Variants in YJU2B observed in about 807,000 individuals in gnomAD.
YJU2B encodes YJU2 splicing factor homolog B.
Under a neutral mutation model 38.0 loss-of-function variants are expected in YJU2B, and 18 were observed. That is an observed-to-expected ratio of 0.47 (90% CI 0.33 to 0.70). YJU2B has a LOEUF of 0.70. YJU2B is among the 30% of genes least tolerant of loss of function. The probability of loss-of-function intolerance (pLI) is 0.02; values close to 1 mark genes in which losing one functional copy is unlikely to be tolerated. For missense variants in YJU2B, 538 were observed against 556.3 expected (o/e 0.97, Z 0.33); for synonymous variants, 246 against 225.4 (o/e 1.09, Z -0.82).
rs1429838382 is a variant in YJU2B at position 13,762,635 on chromosome 19, G to C, written c.758G>C (p.Arg253Pro). The C allele has an allele frequency of 6.5e-7, 1 of 1,538,772 alleles. No homozygotes were observed. The highest frequency in any genetic ancestry group is 8.7e-7 in the Non-Finnish European group (1 of 1,151,014). Residue 253 changes from arginine (R) to proline (P), a missense_variant, in exon 10 of 10, where the codon CGC becomes CCC. Coordinates refer to ENST00000221554, the MANE Select transcript of YJU2B (RefSeq NM_030818.4). ...CTCAAGCGGACCGAGATCATCAGCC[G>C]CTCCTGGTTCCCCTCTGCCCCCGGA... ...QKLKRTEIIS[R>P]SWFPSAPGSA...
In YJU2B at chr19:13,763,005, G is replaced by A. The variant is rs925893143; in HGVS notation, c.1128G>A (p.Thr376=). Residue 376 remains threonine (T), a synonymous_variant, in exon 10 of 10, where the codon ACG becomes ACA. Coordinates refer to ENST00000221554, the MANE Select transcript of YJU2B (RefSeq NM_030818.4). ...AGGAGGCAGCTGACACCCCCGACAC[G>A]CGGCACCCCTGCAGTCTCGGCTCCT... ...SSQEAADTPD[T]RHPCSLGSSL... 5.6e-6 allele frequency: 9 copies of A among 1,603,772 alleles called. No individual in the cohort carries two copies. The highest frequency in any genetic ancestry group is 7.7e-6 in the Non-Finnish European group (9 of 1,174,928).
chr19:13,749,472 A>G (rs1391151063), intron 1 of YJU2B, among the ~76,000 whole-genome samples: 2 of 152,214 alleles, frequency 1.3e-5, no homozygotes, highest in Non-Finnish European at 2.9e-5. Flanking sequence ...ATTTCTAGCT[A>G]TGAAAGCAGA....
chr19:13,762,977 C>G lies in YJU2B; in HGVS notation c.1100C>G (p.Ser367Cys). 6.2e-7 allele frequency: 1 copy of G among 1,610,798 alleles called. No homozygotes were observed. Among genetic ancestry groups the G allele is most frequent in the Non-Finnish European group, 8.5e-7 (1 of 1,178,888 alleles). ...QDKPLSPAGSSQEAADTPDTR... is the reference protein window; with the variant it reads ...QDKPLSPAGSCQEAADTPDTR... ...AAGCCCCTGTCGCCAGCAGGCTCCT[C>G]CCAGGAGGCAGCTGACACCCCCGAC... The change falls in exon 10 of 10, where the codon TCC (serine) becomes TGC (cysteine). Residue 367 changes from serine (S) to cysteine (C), a missense_variant. Transcript: ENST00000221554.
chr19:13,752,619 C>T (rs1258670022), intron 2 of YJU2B, among the ~76,000 whole-genome samples: 1 of 152,134 alleles, frequency 6.6e-6, no homozygotes, highest in African/African-American at 2.4e-5. Context: ...TGGCGGGAGC[C>T]TGTAGTCCCA....
At chr19:13,742,437 G>A (rs1290451548) in intron 2 of YJU2B, among the ~76,000 whole-genome samples, 1 of 152,032 alleles carries the variant, frequency 6.6e-6, no homozygotes, top group Non-Finnish European at 1.5e-5. Flanking sequence ...CAAGTAGCTG[G>A]CATTACAAGT....
chr19:13,758,123 C>T (rs1214052629), intron 6 of YJU2B, among the ~76,000 whole-genome samples: 1 of 152,208 alleles, frequency 6.6e-6, no homozygotes, highest in Non-Finnish European at 1.5e-5. Flanking sequence ...CCCTGGCCTC[C>T]TCGTTGTCCC....
chr19:13,759,288 G>T lies in YJU2B; in HGVS notation c.573+16G>T, dbSNP rs762200402. The T allele has an allele frequency of 3.1e-6, 5 of 1,589,780 alleles. No homozygotes were observed. The African/African-American group carries it at 5.4e-5, about 17-fold the overall frequency. On this transcript the variant is annotated intron_variant, in intron 8 of 9. Coordinates refer to ENST00000221554, the MANE Select transcript of YJU2B (RefSeq NM_030818.4). ...AAGGTTCCGGGTGAGGGGGGCTCCA[G>T]CCCGGGGTCAGAGAGGATGCATGGT...
At chr19:13,743,028 T>C (rs923635339), upstream of YJU2B, among the ~76,000 whole-genome samples, 6 of 152,290 alleles carry the variant, frequency 3.9e-5, no homozygotes, top group Middle Eastern at 6.8e-3. Context: ...TAAAACCAGA[T>C]ACCCACACTA....
chr19:13,752,817 G>T (rs1250399012), intron 2 of YJU2B, among the ~76,000 whole-genome samples: 1 of 152,048 alleles, frequency 6.6e-6, no homozygotes, highest in Non-Finnish European at 1.5e-5. Context: ...GGAGGCTAAG[G>T]CACGAGGATT....
At chr19:13,759,596 G>T in intron 8 of YJU2B, 1 of 217,680 alleles carries the variant, frequency 4.6e-6, no homozygotes. Context: ...CCCTCCCCCA[G>T]CATCTCTAAA....
chr19:13,745,755 AT>A (rs1477980617), upstream of YJU2B, among the ~76,000 whole-genome samples: 9 of 147,400 alleles, frequency 6.1e-5, 1 homozygote, highest in African/African-American at 2.3e-4. Flanking sequence ...ATATATATAT[AT>A]ATCAGGAGGA....
In YJU2B at chr19:13,754,348, C is replaced by T. The variant is rs200133003; in HGVS notation, c.57+6C>T. ...CAGACTTCAACCCTGAGAAGGTAAGCAGGCTCTCCGCTCCAGGTCCACAGT... is the reference window on the plus strand; with the variant it reads ...CAGACTTCAACCCTGAGAAGGTAAGTAGGCTCTCCGCTCCAGGTCCACAGT... On this transcript the variant is annotated splice_donor_region_variant and intron_variant, in intron 3 of 9. Coordinates refer to ENST00000221554, the MANE Select transcript of YJU2B (RefSeq NM_030818.4). 12 of 1,611,680 alleles carry T rather than the reference C, an allele frequency of 7.4e-6. No homozygotes were observed. In the South Asian group the frequency reaches 1.1e-4, roughly 15 times the overall value.
In YJU2B at chr19:13,763,049, C is replaced by A. The variant is rs780937753; in HGVS notation, c.1172C>A (p.Ser391Tyr). Residue 391 changes from serine (S) to tyrosine (Y), a missense_variant, in exon 10 of 10, where the codon TCC becomes TAC. This residue lies in a region of YJU2B where 488 missense variants were observed against 469.5 expected (regional missense o/e 1.04). Transcript: ENST00000221554. Reference sequence around the variant, plus strand: ...GGCTCCTCCCTCGTGGCGGACTACTCCGACTCGGAGAGTGAGTGAGCGATC... The same window carrying A: ...GGCTCCTCCCTCGTGGCGGACTACTACGACTCGGAGAGTGAGTGAGCGATC... ...SLGSSLVADY[S>Y]DSESE 292 of 1,563,064 alleles carry A rather than the reference C, an allele frequency of 1.9e-4. No individual in the cohort carries two copies. The highest frequency in any genetic ancestry group is 2.3e-4 in the Non-Finnish European group (260 of 1,153,754).
intron 6 of YJU2B, 142 bp downstream of exon 6, chr19:13,757,988 C>G (rs762295288): frequency 6.7e-5 from 45 of 676,566 alleles, no homozygotes; most frequent in Non-Finnish European, 1.1e-4. Flanking sequence ...GGGCACACCC[C>G]ACCCCCGCAA....
Position 13,763,029 on chromosome 19 carries a change from CTCCCTCGTGGCGGACTACTCCG to C in YJU2B, c.1153_1174del (p.Ser385ThrfsTer17), listed in dbSNP as rs775919335. Reference sequence around the variant, plus strand: ...CGCGGCACCCCTGCAGTCTCGGCTCCTCCCTCGTGGCGGACTACTCCGACTCGGAGAGTGAGTGAGCGATCCC... The same window carrying C: ...CGCGGCACCCCTGCAGTCTCGGCTCCACTCGGAGAGTGAGTGAGCGATCCC... On this transcript the variant is annotated frameshift_variant, in exon 10 of 10. Transcript: ENST00000221554. LOFTEE classifies it high-confidence loss of function. 333 of 1,582,146 alleles carry C rather than the reference CTCCCTCGTGGCGGACTACTCCG, an allele frequency of 2.1e-4. No individual in the cohort carries two copies. Among genetic ancestry groups the C allele is most frequent in the Non-Finnish European group, 2.8e-4 (324 of 1,163,800 alleles).
intron 2 of YJU2B, chr19:13,732,602 C>CTT: frequency 8.3e-6 from 1 of 120,410 alleles, no homozygotes; most frequent in African/African-American, 3.1e-5. Flanking sequence ...AAAGTGCATA[C>CTT]TTTCTTTCTT....
chr19:13,743,172 C>A (rs1439371824), upstream of YJU2B, among the ~76,000 whole-genome samples: 1 of 149,684 alleles, frequency 6.7e-6, no homozygotes, highest in Non-Finnish European at 1.5e-5. Flanking sequence ...GTGTAAATTT[C>A]AGTAAACCAG....
At chr19:13,734,273 T>C (rs1972889465) in intron 2 of YJU2B, among the ~76,000 whole-genome samples, 1 of 152,014 alleles carries the variant, frequency 6.6e-6, no homozygotes, top group Admixed American at 6.6e-5. Context: ...ATACACTATA[T>C]TAATTCTCTC....
At chr19:13,745,652 T>TAGATAGATAGAG, upstream of YJU2B, among the ~76,000 whole-genome samples, 1 of 92,632 alleles carries the variant, frequency 1.1e-5, no homozygotes, top group Non-Finnish European at 2.1e-5. Context: ...ACTCCATAGA[T>TAGATAGATAGAG]AGATAGATAG....
Sources: gnomAD v4.1 joint callset for allele counts (sites outside exome capture counted in the v4.1 genomes callset) on GRCh38, gnomAD v4.1.1 for gene constraint, gnomAD v4.1.1 regional missense constraint, MANE v1.5 for transcripts, NCBI Gene and HGNC (gene_info 2026-07-23, HGNC 2026-07-21) for gene names.